The following BANP variants were observed in gnomAD, a reference collection of about 807,000 sequenced individuals.
BANP encodes the protein protein BANP.
Under a neutral mutation model 68.1 loss-of-function variants are expected in BANP, and 11 were observed. That is an observed-to-expected ratio of 0.16 (90% CI 0.10 to 0.27). The LOEUF (loss-of-function observed/expected upper bound fraction) is 0.27. BANP is among the 10% of genes least tolerant of loss of function. BANP has a pLI of 1.00. For synonymous variants in BANP, 329 were observed against 303.2 expected (o/e 1.09, Z -0.88); for missense variants, 504 against 722.7 (o/e 0.70, Z 3.47).
At position 88,036,499 on chromosome 16, in the gene BANP, G is replaced by A. The variant is rs1329501281; in HGVS notation, c.1272+1105G>A. Among the ~76,000 whole-genome samples, 3 of 152,258 alleles carry A rather than the reference G, an allele frequency of 2.0e-5. No individual in the cohort carries two copies. The highest frequency in any genetic ancestry group is 3.9e-4 in the East Asian group (2 of 5,178). ...TGAGCAAGACTGTGGACACATGCAC[G>A]CCGTGGCACGTGGAGCACCAGGGAC... is the stretch of plus-strand genomic sequence containing the variant. On this transcript the variant is annotated intron_variant, in intron 10 of 13. Coordinates refer to ENST00000682872, the MANE Select transcript of BANP (RefSeq NM_001386991.1). The surrounding 1 kb of genome is among the most constrained non-coding windows in gnomAD (Gnocchi z 4.2).
chr16:88,072,259 G>T (rs534830814), intron 13 of BANP, 47 bp downstream of exon 13: 2 of 1,553,646 alleles, frequency 1.3e-6, no homozygotes, highest in Non-Finnish European at 1.7e-6. Flanking sequence ...TGGCATGGCC[G>T]CCTGCCGCTG....
chr16:88,075,406 G>C (rs1441458162), intron 13 of BANP, among the ~76,000 whole-genome samples: 1 of 152,226 alleles, frequency 6.6e-6, no homozygotes, highest in Non-Finnish European at 1.5e-5. Flanking sequence ...GGGAGGCTGA[G>C]GTGGGAGGAT....
chr16:88,067,501 C>G (rs1207697936), intron 12 of BANP, among the ~76,000 whole-genome samples: 1 of 152,152 alleles, frequency 6.6e-6, no homozygotes, highest in Non-Finnish European at 1.5e-5. Flanking sequence ...TAGGCCGGCC[C>G]CACCTCACCT....
At chr16:88,054,693 T>C (rs931902000) in intron 11 of BANP, among the ~76,000 whole-genome samples, 1 of 152,246 alleles carries the variant, frequency 6.6e-6, no homozygotes, top group African/African-American at 2.4e-5. Context: ...CCTCTTCCTG[T>C]CGAGACTGAA....
chr16:88,054,254 C>G (rs1228394595), intron 11 of BANP, among the ~76,000 whole-genome samples: 1 of 91,036 alleles, frequency 1.1e-5, no homozygotes, highest in Non-Finnish European at 2.7e-5. Flanking sequence ...AACACAGTCA[C>G]CTTCACCACC....
intron 1 of BANP, among the ~76,000 whole-genome samples, chr16:87,967,456 G>T (rs1038857562): frequency 6.6e-6 from 1 of 151,348 alleles, no homozygotes; most frequent in Non-Finnish European, 1.5e-5. Context: ...TTGTTTTTTG[G>T]TTTTTGATTT....
chr16:88,074,195 C>G (rs1202131443), intron 13 of BANP, among the ~76,000 whole-genome samples: 2 of 149,354 alleles, frequency 1.3e-5, no homozygotes, highest in Non-Finnish European at 3.0e-5. Context: ...GTTGAGCCTC[C>G]TTATCCACAT....
At chr16:88,010,018 C>T (rs978088801) in intron 6 of BANP, among the ~76,000 whole-genome samples, 32 of 152,010 alleles carry the variant, frequency 2.1e-4, no homozygotes, top group African/African-American at 7.0e-4. Flanking sequence ...GGAATAAGGA[C>T]GGTAGTTCCT....
intron 2 of BANP, among the ~76,000 whole-genome samples, chr16:87,975,590 ACCTTACCAT>A (rs2061911875): frequency 1.7e-5 from 2 of 116,026 alleles, no homozygotes; most frequent in African/African-American, 7.0e-5. Flanking sequence ...GCGTCATGGA[ACCTTACCAT>A]GTTGTGTGTG....
At chr16:87,983,418 G>A (rs930014641) in intron 3 of BANP, among the ~76,000 whole-genome samples, 17 of 152,204 alleles carry the variant, frequency 1.1e-4, no homozygotes, top group African/African-American at 4.1e-4. Context: ...TTTCTGGTTT[G>A]TGTGTTTCTC....
At position 87,960,555 on chromosome 16, in the gene BANP, G is replaced by T. The variant is rs1342392433; in HGVS notation, c.-69+9040G>T. 4.6e-5 allele frequency among the ~76,000 whole-genome samples: 7 copies of T among 152,342 alleles called. No individual in the cohort carries two copies. The East Asian group carries it at 1.3e-3, about 29-fold the overall frequency. On this transcript the variant is annotated intron_variant, in intron 1 of 13. Coordinates refer to ENST00000682872, the MANE Select transcript of BANP (RefSeq NM_001386991.1). Reference sequence around the variant, plus strand: ...CAGAGATAGCATAGGGAGTGCCCTTGTGCCTGGTACCCAGTTTCTCCCGTT... The same window carrying T: ...CAGAGATAGCATAGGGAGTGCCCTTTTGCCTGGTACCCAGTTTCTCCCGTT...
At chr16:88,041,728 C>T (rs1262583592) in intron 11 of BANP, among the ~76,000 whole-genome samples, 1 of 152,204 alleles carries the variant, frequency 6.6e-6, no homozygotes, top group Admixed American at 6.5e-5. Context: ...GCGCTTACAT[C>T]TGGTGCTGGG....
rs980914127 is a variant in BANP at position 88,038,965 on chromosome 16, G to A, written c.1311+954G>A. 9.8e-5 allele frequency among the ~76,000 whole-genome samples: 15 copies of A among 152,292 alleles called. No individual in the cohort carries two copies. The East Asian group carries it at 1.5e-3, about 16-fold the overall frequency. On this transcript the variant is annotated intron_variant, in intron 11 of 13. Coordinates refer to ENST00000682872, the MANE Select transcript of BANP (RefSeq NM_001386991.1). ...ACTGTCCTTCGAGAAACCTGCATGC[G>A]TTCTCTTTGTCAAGGCCAGGCCCTG...
intron 1 of BANP, among the ~76,000 whole-genome samples, chr16:87,968,460 G>C (rs901585975): frequency 1.4e-4 from 19 of 140,728 alleles, no homozygotes; most frequent in African/African-American, 5.2e-4. Flanking sequence ...CTCCAGCCTG[G>C]GCAACAAGAG....
At chr16:87,992,723 G>T (rs1170054775) in intron 4 of BANP, among the ~76,000 whole-genome samples, 1 of 151,970 alleles carries the variant, frequency 6.6e-6, no homozygotes, top group Non-Finnish European at 1.5e-5. Context: ...GAACCTAGGA[G>T]GCGGAGGTTG....
At chr16:87,972,421 GTTTT>G (rs568476276) in intron 1 of BANP, among the ~76,000 whole-genome samples, 2 of 147,790 alleles carry the variant, frequency 1.4e-5, no homozygotes, top group South Asian at 2.1e-4. Context: ...TCAGGGTATA[GTTTT>G]TTTTTTCTTT....
chr16:87,965,470 G>C (rs1017045155), intron 1 of BANP, among the ~76,000 whole-genome samples: 1 of 152,078 alleles, frequency 6.6e-6, no homozygotes, highest in Non-Finnish European at 1.5e-5. Flanking sequence ...GGACCAGGGA[G>C]GGGTGCTGAC....
chr16:87,985,855 A>AT (rs2064286302), intron 4 of BANP, among the ~76,000 whole-genome samples: 2 of 152,334 alleles, frequency 1.3e-5, no homozygotes, highest in East Asian at 3.9e-4. Context: ...GCAAAGTATA[A>AT]TTTTTTCTAG....
At chr16:87,993,402 T>G (rs966856362) in intron 4 of BANP, among the ~76,000 whole-genome samples, 2 of 151,942 alleles carry the variant, frequency 1.3e-5, no homozygotes, top group Admixed American at 1.3e-4. Context: ...TATTCACCTA[T>G]TCACTCATCC....
Sources: allele counts gnomAD v4.1 joint callset (sites outside exome capture counted in the v4.1 genomes callset), GRCh38; gene constraint gnomAD v4.1.1; non-coding constraint Gnocchi (gnomAD v3.1); transcripts MANE v1.5; gene names NCBI Gene and HGNC (gene_info 2026-07-23, HGNC 2026-07-21).